The following ORC5 variants were observed in gnomAD, a reference collection of about 807,000 sequenced individuals.
ORC5 encodes origin recognition complex subunit 5.
ORC5 carries 39 observed loss-of-function variants against 58.8 expected under a neutral mutation model. The observed-to-expected ratio is 0.66, with a 90% CI of 0.51 to 0.87. The LOEUF (loss-of-function observed/expected upper bound fraction) is 0.87, where lower values mean the gene tolerates loss of function less well. ORC5 is among the 40% of genes least tolerant of loss of function. ORC5 has a pLI of 0.00. For synonymous variants in ORC5, 218 were observed against 177.6 expected, an observed-to-expected ratio of 1.23 and a Z score of -1.81; for missense variants, 493 against 506.3, an observed-to-expected ratio of 0.97 and a Z score of 0.25.
At chr7:104,147,644 G>A (rs542278323) in intron 12 of ORC5, among the ~76,000 whole-genome samples, 1 of 152,152 alleles carries the variant, frequency 6.6e-6, no homozygotes, top group South Asian at 2.1e-4. Flanking sequence ...ACAAATGAAC[G>A]TTTCCAAATA....
At chr7:104,174,461 G>A (rs116038239) in intron 8 of ORC5, among the ~76,000 whole-genome samples, 2,043 of 152,284 alleles carry the variant, frequency 0.013, 57 homozygotes, top group African/African-American at 0.047. Context: ...GGGGATTCCA[G>A]CCAGCTATAT....
At position 104,183,991 on chromosome 7, in the gene ORC5, G is replaced by A; in HGVS notation, c.776C>T (p.Pro259Leu). The A allele has an allele frequency of 6.8e-6, 11 of 1,613,646 alleles. No individual in the cohort carries two copies. The highest frequency in any genetic ancestry group is 8.5e-6 in the Non-Finnish European group (10 of 1,179,826). ...AGTCTGCATAGCTTTCTTCAAATGA[G>A]GTTCAATATTTCTCCACAGTTTGCG... ...DTRKLWRNIE[P>L]HLKKAMQTVY... is the part of the protein sequence containing the mutation. The change falls in exon 8 of 14, where the codon CCT becomes CTT. Residue 259 changes from proline to leucine, a missense_variant. Pro to Leu is a moderately conservative substitution (Grantham distance 98). This residue lies in a region of ORC5 where 412 missense variants were observed against 403.7 expected (regional missense o/e 1.02). Transcript: ENST00000297431.
intron 6 of ORC5, among the ~76,000 whole-genome samples, chr7:104,184,729 A>G (rs922881721): frequency 2.6e-5 from 4 of 152,202 alleles, no homozygotes; most frequent in African/African-American, 9.7e-5. Context: ...TAGAGGAAAT[A>G]AGAAAACAGC....
chr7:104,146,330 T>C (rs1313566389), intron 12 of ORC5, among the ~76,000 whole-genome samples: 1 of 152,214 alleles, frequency 6.6e-6, no homozygotes. Context: ...TCCAGAGAAC[T>C]GCATGTTCAC....
intron 3 of ORC5, among the ~76,000 whole-genome samples, chr7:104,200,282 C>T (rs1799907420): frequency 2.0e-5 from 3 of 152,210 alleles, no homozygotes; most frequent in African/African-American, 7.2e-5. Flanking sequence ...TCTAGACCTT[C>T]CACAATCTGC....
At chr7:104,196,741 C>T (rs904481655) in intron 4 of ORC5, among the ~76,000 whole-genome samples, 1 of 152,102 alleles carries the variant, frequency 6.6e-6, no homozygotes, top group Non-Finnish European at 1.5e-5. Flanking sequence ...TAGGTATAAA[C>T]TGCTTATACT....
At chr7:104,128,805 C>T (rs1232717705) in intron 13 of ORC5, among the ~76,000 whole-genome samples, 2 of 151,382 alleles carry the variant, frequency 1.3e-5, no homozygotes, top group Non-Finnish European at 2.9e-5. Flanking sequence ...ATTTGTACAT[C>T]TCTCCAGGCA....
intron 3 of ORC5, among the ~76,000 whole-genome samples, chr7:104,199,106 G>T (rs1465109596): frequency 3.3e-5 from 5 of 152,200 alleles, no homozygotes; most frequent in African/African-American, 9.7e-5. Context: ...TAGGTGCAGG[G>T]CCCTCATGGA....
chr7:104,168,229 A>T (rs1799140477), intron 9 of ORC5: 1 of 1,045,568 alleles, frequency 9.6e-7, no homozygotes, highest in African/African-American at 1.6e-5. Flanking sequence ...AAACTGCTTG[A>T]TTTTCATGAT....
chr7:104,204,285 AAC>A, intron 1 of ORC5, 51 bp from the exon 2 acceptor site: 1 of 994,410 alleles, frequency 1.0e-6, no homozygotes. Context: ...ATAGAAAATA[AAC>A]ACTTATCAAC....
At chr7:104,181,352 C>G (rs1799426722) in intron 8 of ORC5, among the ~76,000 whole-genome samples, 1 of 152,072 alleles carries the variant, frequency 6.6e-6, no homozygotes, top group Non-Finnish European at 1.5e-5. Flanking sequence ...AATTCAAAAA[C>G]TATTCATGGG....
intron 13 of ORC5, among the ~76,000 whole-genome samples, chr7:104,128,690 A>G (rs897520055): frequency 2.6e-5 from 1 of 38,792 alleles, no homozygotes; most frequent in Non-Finnish European, 4.8e-5. Flanking sequence ...CCCACCCCAC[A>G]ACAGTCCCCA....
intron 12 of ORC5, among the ~76,000 whole-genome samples, chr7:104,137,518 T>C (rs1798609470): frequency 6.6e-6 from 1 of 151,972 alleles, no homozygotes. Context: ...AAATATTACA[T>C]TTTCCAAGAC....
chr7:104,190,590 A>C (rs1258279753), intron 5 of ORC5, among the ~76,000 whole-genome samples: 1 of 152,104 alleles, frequency 6.6e-6, no homozygotes, highest in East Asian at 1.9e-4. Context: ...ATTTAAAGGG[A>C]AACAACCATA....
At chr7:104,195,318 A>G in intron 4 of ORC5, 64 bp from the exon 5 acceptor site, 1 of 906,332 alleles carries the variant, frequency 1.1e-6, no homozygotes, top group Non-Finnish European at 1.6e-6. Flanking sequence ...CAGTATTTCC[A>G]TTTGGATTTT....
chr7:104,138,134 G>C lies in ORC5; in HGVS notation c.1150-1241C>G, dbSNP rs185424995. On this transcript the variant is annotated intron_variant, in intron 12 of 13. Coordinates refer to ENST00000297431, the MANE Select transcript of ORC5 (RefSeq NM_002553.4). The surrounding 1 kb of genome is among the most constrained non-coding windows in gnomAD (Gnocchi z 4.7). Reference sequence around the variant, plus strand: ...AGCAAGCCACTACCCCTGGAAGGGGGACAAGGGAACTTTTCCTGTTTCACT... The same window carrying C: ...AGCAAGCCACTACCCCTGGAAGGGGCACAAGGGAACTTTTCCTGTTTCACT... 2.0e-4 allele frequency among the ~76,000 whole-genome samples: 30 copies of C among 152,320 alleles called. No homozygotes were observed. Among genetic ancestry groups the C allele is most frequent in the Non-Finnish European group, 3.7e-4 (25 of 68,038 alleles).
intron 10 of ORC5, among the ~76,000 whole-genome samples, 178 bp downstream of exon 10, chr7:104,166,594 C>T (rs140256072): frequency 1.1e-3 from 167 of 152,276 alleles, no homozygotes; most frequent in African/African-American, 3.8e-3. Context: ...AAACTGCCTA[C>T]CTTTTCTCAA....
chr7:104,143,329 C>T (rs1052561324), intron 12 of ORC5, among the ~76,000 whole-genome samples: 1 of 152,072 alleles, frequency 6.6e-6, no homozygotes, highest in South Asian at 2.1e-4. Flanking sequence ...CATAGAAAAA[C>T]ACAAAATCTG....
At chr7:104,198,710 A>T (rs1799859491) in intron 3 of ORC5, among the ~76,000 whole-genome samples, 1 of 152,256 alleles carries the variant, frequency 6.6e-6, no homozygotes, top group East Asian at 1.9e-4. Flanking sequence ...TCTGGGGAGA[A>T]ATTCAAGCCA....
Sources: allele counts gnomAD v4.1 joint callset (sites outside exome capture counted in the v4.1 genomes callset), GRCh38; gene constraint gnomAD v4.1.1; regional missense constraint gnomAD v4.1.1; non-coding constraint Gnocchi (gnomAD v3.1); transcripts MANE v1.5; gene names NCBI Gene and HGNC (gene_info 2026-07-23, HGNC 2026-07-21).